The following CCDC69 variants were observed in gnomAD, a reference collection of about 807,000 sequenced individuals.
The protein encoded by CCDC69 is coiled-coil domain containing 69.
In CCDC69, 38 loss-of-function variants were observed where a neutral mutation model predicts 40.3. The ratio of observed to expected loss-of-function variants is 0.94; its 90% CI spans 0.73 to 1.24. The LOEUF is 1.24. Among genes scored for constraint, CCDC69 ranks in the 50% most tolerant of loss-of-function variants. The pLI is 0.00. For synonymous variants in CCDC69, 141 were observed against 138.9 expected, an observed-to-expected ratio of 1.02 and a Z score of -0.11; for missense variants, 389 against 357.9, an observed-to-expected ratio of 1.09 and a Z score of -0.70.
chr5:151,185,322 G>A, intron 7 of CCDC69, 100 bp downstream of exon 7: 1 of 1,358,512 alleles, frequency 7.4e-7, no homozygotes, highest in Admixed American at 1.8e-5. Context: ...AACTAGGCTG[G>A]GACCTCCTCA....
At chr5:151,190,665 C>T (rs1374837238) in intron 4 of CCDC69, among the ~76,000 whole-genome samples, 1 of 93,524 alleles carries the variant, frequency 1.1e-5, no homozygotes, top group African/African-American at 4.5e-5. Context: ...GACTCTGTCT[C>T]AAAAAAAAAA....
At position 151,183,606 on chromosome 5, in the gene CCDC69, G is replaced by A. The variant is rs1766677486; in HGVS notation, c.722C>T (p.Ser241Leu). The A allele has an allele frequency of 6.2e-7, 1 of 1,608,904 alleles. No homozygotes were observed. Among genetic ancestry groups the A allele is most frequent in the African/African-American group, 1.3e-5 (1 of 75,014 alleles). The part of the protein sequence containing the change: ...RNQVVLSRQL[S>L]EDLLLTREAL... ...CTCACGCGTGAGAAGCAGGTCTTCT[G>A]ACAGCTGCCTGTGGATGCACACAGA... Residue 241 changes from serine (S) to leucine (L), a missense_variant, in exon 9 of 9, where the codon TCA (serine) becomes TTA (leucine). Transcript: ENST00000355417.
At chr5:151,190,420 T>C (rs3097833) in intron 4 of CCDC69, among the ~76,000 whole-genome samples, 98,448 of 151,956 alleles carry the variant, frequency 0.65, 32,337 homozygotes, top group Admixed American at 0.77. Context: ...AATCCCTGCA[T>C]TTTGGGAGGC....
At chr5:151,210,383 A>G (rs1448799717) in intron 1 of CCDC69, among the ~76,000 whole-genome samples, 1 of 151,970 alleles carries the variant, frequency 6.6e-6, no homozygotes, top group Non-Finnish European at 1.5e-5. Flanking sequence ...TCTCTACTAA[A>G]AATACAAAAA....
chr5:151,217,211 A>C (rs986023777), intron 1 of CCDC69, among the ~76,000 whole-genome samples: 12 of 152,214 alleles, frequency 7.9e-5, no homozygotes, highest in Non-Finnish European at 1.2e-4. Flanking sequence ...TCAATAAAAA[A>C]TATAAAGAAG....
chr5:151,223,953 G>A lies in CCDC69; in HGVS notation c.18C>T (p.Ser6=). The part of the protein sequence containing the change: MGCRH[S]RLSSCKPPKK... ...TCGGGGGTTTGCAGCTGCTCAGCCT[G>A]CTGTGTCTGCAGCCCATCCTCCTCC... The change falls in exon 1 of 9, where the codon AGC becomes AGT. Residue 6 remains serine (S), a synonymous_variant. Coordinates refer to ENST00000355417, the MANE Select transcript of CCDC69 (RefSeq NM_015621.3). 1.3e-6 allele frequency: 2 copies of A among 1,574,844 alleles called. No individual in the cohort carries two copies. The highest frequency in any genetic ancestry group is 2.6e-5 in the East Asian group (1 of 38,648).
At chr5:151,216,700 G>A (rs939934226) in intron 1 of CCDC69, among the ~76,000 whole-genome samples, 3 of 152,194 alleles carry the variant, frequency 2.0e-5, no homozygotes, top group African/African-American at 4.8e-5. Flanking sequence ...ACAGGCGTGA[G>A]CCACCACGCC....
chr5:151,204,895 G>A (rs968072815), intron 2 of CCDC69, among the ~76,000 whole-genome samples: 3 of 151,934 alleles, frequency 2.0e-5, no homozygotes, highest in Non-Finnish European at 4.4e-5. Context: ...TTAGGGGTAC[G>A]CATGCAGATT....
At chr5:151,205,566 A>C in intron 1 of CCDC69, 91 bp from the exon 2 acceptor site, 1 of 1,060,766 alleles carries the variant, frequency 9.4e-7, no homozygotes, top group East Asian at 2.4e-5. Context: ...TCCAAAGGCA[A>C]GGCAGGACCT....
intron 2 of CCDC69, among the ~76,000 whole-genome samples, chr5:151,202,806 C>T (rs1752793783): frequency 6.6e-6 from 1 of 152,166 alleles, no homozygotes; most frequent in African/African-American, 2.4e-5. Flanking sequence ...CTAGGTATGA[C>T]CTAAGGCAGT....
intron 4 of CCDC69, among the ~76,000 whole-genome samples, chr5:151,189,556 G>T (rs417510): frequency 0.086 from 13,047 of 151,682 alleles, 653 homozygotes; most frequent in East Asian, 0.13. Context: ...AGAGGAAAAA[G>T]GGTGCAGTGC....
chr5:151,211,725 T>C (rs1032789958), intron 1 of CCDC69, among the ~76,000 whole-genome samples: 20 of 151,988 alleles, frequency 1.3e-4, no homozygotes, highest in African/African-American at 4.8e-4. Context: ...GGTTTCACCA[T>C]GTTGGCCAGG....
chr5:151,185,350 A>T, intron 7 of CCDC69, 72 bp downstream of exon 7: 1 of 1,568,824 alleles, frequency 6.4e-7, no homozygotes, highest in Non-Finnish European at 8.7e-7. Context: ...TCCCCTCTGC[A>T]TGCTTTACAA....
chr5:151,212,956 A>G lies in CCDC69; in HGVS notation c.49-7481T>C, dbSNP rs141666592. The G allele has an allele frequency of 2.8e-4, 125 of 452,006 alleles. 1 individual carries two copies. The highest frequency in any genetic ancestry group is 2.4e-3 in the African/African-American group (118 of 50,108). 28.0% of individuals were successfully genotyped at this position (452,006 alleles called of 1,614,324 possible). ...GAGCGCTCCATCATTAGTAGCATGC[A>G]AGAAGAGGTTGGAGAGTCAAACTTC... On this transcript the variant is annotated intron_variant, in intron 1 of 8. Coordinates refer to ENST00000355417, the MANE Select transcript of CCDC69 (RefSeq NM_015621.3).
intron 4 of CCDC69, among the ~76,000 whole-genome samples, chr5:151,189,824 AT>A (rs1177610277): frequency 2.6e-5 from 4 of 152,204 alleles, no homozygotes; most frequent in African/African-American, 9.7e-5. Context: ...GAAGAAAAAA[AT>A]TTAAAAACTG....
chr5:151,211,054 T>C (rs1283385981), intron 1 of CCDC69: 1 of 152,168 alleles, frequency 6.6e-6, no homozygotes, highest in African/African-American at 2.4e-5. Context: ...ATTTGCTAGG[T>C]CAAAACCCAA....
intron 2 of CCDC69, among the ~76,000 whole-genome samples, chr5:151,204,039 TC>T (rs1202994999): frequency 6.6e-6 from 1 of 151,284 alleles, no homozygotes; most frequent in Non-Finnish European, 1.5e-5. Flanking sequence ...AGGTAATTTT[TC>T]TTTTTCTGAG....
chr5:151,197,043 G>C (rs1752709874), intron 4 of CCDC69, among the ~76,000 whole-genome samples: 1 of 152,244 alleles, frequency 6.6e-6, no homozygotes, highest in South Asian at 2.1e-4. Context: ...AAGAAACAAA[G>C]TGTAGATGCA....
At chr5:151,195,983 T>C (rs914322355) in intron 4 of CCDC69, among the ~76,000 whole-genome samples, 1 of 152,226 alleles carries the variant, frequency 6.6e-6, no homozygotes. Context: ...TTTTGAGATC[T>C]AGAGGTCTAG....
Sources: gnomAD v4.1 joint callset for allele counts (sites outside exome capture counted in the v4.1 genomes callset) on GRCh38, gnomAD v4.1.1 for gene constraint, MANE v1.5 for transcripts, NCBI Gene and HGNC (gene_info 2026-07-23, HGNC 2026-07-21) for gene names.